GRIK2: variants seen among roughly 807,000 people sequenced by gnomAD.
The protein encoded by GRIK2 is glutamate ionotropic receptor kainate type subunit 2, also known as glutamate receptor ionotropic, kainate 2.
In GRIK2, 32 loss-of-function variants were observed where a neutral mutation model predicts 100.3. The observed-to-expected ratio is 0.32, with a 90% CI of 0.24 to 0.43. The LOEUF is 0.43. Ranked by LOEUF, GRIK2 falls within the 20% of genes least tolerant of loss-of-function variation. The probability of loss-of-function intolerance (pLI) is 1.00; values close to 1 mark genes in which losing one functional copy is unlikely to be tolerated. For synonymous variants in GRIK2, 417 were observed against 389.4 expected, an observed-to-expected ratio of 1.07 and a Z score of -0.83; for missense variants, 843 against 1,114.9, an observed-to-expected ratio of 0.76 and a Z score of 3.47.
In GRIK2 at chr6:101,725,517, G is replaced by A. The variant is rs181989372; in HGVS notation, c.951+39164G>A. On this transcript the variant is annotated intron_variant, in intron 7 of 16. Transcript: ENST00000369134. ...TGCCTTGTATATCTGTGGGACAATAGACACATTGATTTAGTATTTTTCACT... is the reference window on the plus strand; with the variant it reads ...TGCCTTGTATATCTGTGGGACAATAAACACATTGATTTAGTATTTTTCACT... 1.8e-3 allele frequency among the ~76,000 whole-genome samples: 270 copies of A among 152,072 alleles called. 2 individuals are homozygous for A. Among genetic ancestry groups the A allele is most frequent in the African/African-American group, 5.9e-3 (246 of 41,540 alleles).
intron 14 of GRIK2, among the ~76,000 whole-genome samples, chr6:101,944,834 G>T (rs1007210992): frequency 7.9e-5 from 12 of 152,010 alleles, no homozygotes; most frequent in African/African-American, 2.9e-4. Context: ...TAGCAAACTT[G>T]TAGTCTCAAA....
Position 101,760,604 on chromosome 6 carries a change from ATAATTATATTTAATTATATGTT to A in GRIK2, c.952-39034_952-39013del, listed in dbSNP as rs1288753783. 1.3e-4 allele frequency among the ~76,000 whole-genome samples: 8 copies of A among 62,088 alleles called. 1 individual carries two copies. The highest frequency in any genetic ancestry group is 5.4e-4 in the Admixed American group (2 of 3,722). 40.7% of individuals were successfully genotyped at this position (62,088 alleles called of 152,430 possible). ...TATATATAATTATATATAATTATAT[ATAATTATATTTAATTATATGTT>A]TAATTATATATAATTATATATAATT... On this transcript the variant is annotated intron_variant, in intron 7 of 16. Coordinates refer to ENST00000369134, the MANE Select transcript of GRIK2 (RefSeq NM_021956.5).
In GRIK2 at chr6:101,625,096, G is replaced by A. The variant is rs536972832; in HGVS notation, c.284-1284G>A. The stretch of plus-strand genomic sequence containing the variant: ...TTATTTAGAATTAAAAATAATAGCC[G>A]GGTGTGGTGGCTCATGCCTGTAATC... On this transcript the variant is annotated intron_variant, in intron 3 of 16. Transcript: ENST00000369134. 3.7e-3 allele frequency among the ~76,000 whole-genome samples: 568 copies of A among 152,148 alleles called. 9 individuals are homozygous for A. Among genetic ancestry groups the A allele is most frequent in the East Asian group, 2.0e-3 (10 of 5,128 alleles).
chr6:102,024,066 T>C (rs1769568269), intron 14 of GRIK2, among the ~76,000 whole-genome samples: 1 of 150,950 alleles, frequency 6.6e-6, no homozygotes, highest in Admixed American at 6.6e-5. Flanking sequence ...ATTTTGAAAG[T>C]AAAGTAAATT....
At chr6:101,765,757 G>A (rs1257989575) in intron 7 of GRIK2, among the ~76,000 whole-genome samples, 1 of 152,070 alleles carries the variant, frequency 6.6e-6, no homozygotes, top group Non-Finnish European at 1.5e-5. Flanking sequence ...ATTCTTGAAA[G>A]TCTGTATAAA....
chr6:101,654,545 C>T (rs138686991), intron 4 of GRIK2, among the ~76,000 whole-genome samples: 27 of 152,186 alleles, frequency 1.8e-4, no homozygotes, highest in African/African-American at 6.3e-4. Flanking sequence ...CCCTACTCCT[C>T]TCCCCATTCT....
intron 2 of GRIK2, among the ~76,000 whole-genome samples, chr6:101,542,569 A>G (rs1329959123): frequency 6.6e-6 from 1 of 152,166 alleles, no homozygotes; most frequent in African/African-American, 2.4e-5. Flanking sequence ...GCAAATATGC[A>G]TAAAAGATCA....
chr6:101,803,214 A>G (rs939887343), intron 9 of GRIK2, among the ~76,000 whole-genome samples: 9 of 151,886 alleles, frequency 5.9e-5, no homozygotes, highest in African/African-American at 1.7e-4. Flanking sequence ...AAGCTATCTT[A>G]TATTTCACCC....
intron 7 of GRIK2, among the ~76,000 whole-genome samples, chr6:101,763,099 A>G (rs1777833166): frequency 6.6e-6 from 1 of 152,182 alleles, no homozygotes; most frequent in Non-Finnish European, 1.5e-5. Flanking sequence ...ATAATGTTTC[A>G]AAGAACATCA....
intron 14 of GRIK2, among the ~76,000 whole-genome samples, chr6:101,982,834 T>G (rs1793797999): frequency 6.6e-6 from 1 of 151,682 alleles, no homozygotes; most frequent in African/African-American, 2.4e-5. Context: ...GGCATCTCAT[T>G]GCAGCATGTA....
At chr6:101,724,427 T>C (rs1774717869) in intron 7 of GRIK2, among the ~76,000 whole-genome samples, 1 of 151,922 alleles carries the variant, frequency 6.6e-6, no homozygotes, top group Non-Finnish European at 1.5e-5. Flanking sequence ...CTCCCACTTA[T>C]AAGTGAGAAC....
At chr6:101,654,322 C>T (rs560905062) in intron 4 of GRIK2, among the ~76,000 whole-genome samples, 2 of 152,054 alleles carry the variant, frequency 1.3e-5, no homozygotes, top group Non-Finnish European at 2.9e-5. Context: ...TTTTTTTCCC[C>T]AGTCCTGTAT....
intron 7 of GRIK2, among the ~76,000 whole-genome samples, chr6:101,719,558 TATA>T (rs1385039894): frequency 1.3e-5 from 2 of 151,982 alleles, no homozygotes; most frequent in East Asian, 1.9e-4. Flanking sequence ...CAAGCTGGAA[TATA>T]ATAACATTAG....
chr6:101,486,316 T>A (rs1772824015), intron 2 of GRIK2, among the ~76,000 whole-genome samples: 1 of 129,660 alleles, frequency 7.7e-6, no homozygotes, highest in Non-Finnish European at 1.5e-5. Context: ...CAGCTTTCCA[T>A]GGGATTATTG....
intron 12 of GRIK2, among the ~76,000 whole-genome samples, chr6:101,904,333 C>T (rs1788078150): frequency 6.6e-6 from 1 of 151,346 alleles, no homozygotes; most frequent in Non-Finnish European, 1.5e-5. Context: ...TAGTTTATGA[C>T]TTCATAGAAC....
intron 2 of GRIK2, among the ~76,000 whole-genome samples, chr6:101,586,376 T>C (rs986443000): frequency 1.3e-5 from 2 of 152,056 alleles, no homozygotes; most frequent in Non-Finnish European, 2.9e-5. Flanking sequence ...CTCCTCATGG[T>C]ACAGAGATCT....
At chr6:101,851,141 A>G (rs1784106146) in intron 10 of GRIK2, among the ~76,000 whole-genome samples, 1 of 152,060 alleles carries the variant, frequency 6.6e-6, no homozygotes, top group Non-Finnish European at 1.5e-5. Flanking sequence ...ATTTTTTTCT[A>G]GTGATGTGCA....
chr6:101,668,570 GAAA>G (rs5878681), intron 4 of GRIK2, among the ~76,000 whole-genome samples: 1 of 151,436 alleles, frequency 6.6e-6, no homozygotes, highest in South Asian at 2.1e-4. Flanking sequence ...TTTCTCAACT[GAAA>G]AAAAAAAGAT....
At chr6:101,400,370 G>C (rs1055345694) in intron 2 of GRIK2, among the ~76,000 whole-genome samples, 3 of 152,206 alleles carry the variant, frequency 2.0e-5, no homozygotes, top group Admixed American at 2.0e-4. Context: ...CGATGCTCAG[G>C]TTCTCTGGAT....
Sources: allele counts gnomAD v4.1 joint callset (sites outside exome capture counted in the v4.1 genomes callset), GRCh38; gene constraint gnomAD v4.1.1; transcripts MANE v1.5; gene names NCBI Gene and HGNC (gene_info 2026-07-23, HGNC 2026-07-21).